CDK17: variants seen among roughly 807,000 people sequenced by gnomAD.
CDK17 encodes cyclin dependent kinase 17.
A neutral mutation model predicts 77.6 loss-of-function variants in CDK17; 24 were observed. The observed-to-expected ratio is 0.31, with a 90% confidence interval of 0.22 to 0.44. The LOEUF (loss-of-function observed/expected upper bound fraction) is 0.44, where lower values mean the gene tolerates loss of function less well. CDK17 is among the 20% of genes least tolerant of loss of function. The probability of loss-of-function intolerance (pLI) is 1.00; values close to 1 mark genes in which losing one functional copy is unlikely to be tolerated. For missense variants in CDK17, 429 were observed against 622.5 expected (o/e 0.69, Z 3.31); for synonymous variants, 203 against 210.4 (o/e 0.96, Z 0.30).
intron 3 of CDK17, among the ~76,000 whole-genome samples, chr12:96,323,226 A>AG (rs1952845182): frequency 6.6e-6 from 1 of 151,102 alleles, no homozygotes; most frequent in African/African-American, 2.4e-5. Context: ...TGAGTCCAGG[A>AG]GTTCAAGACC....
intron 1 of CDK17, among the ~76,000 whole-genome samples, chr12:96,351,238 T>C (rs12426413): frequency 1.1e-4 from 17 of 152,036 alleles, no homozygotes; most frequent in Admixed American, 1.1e-3. Context: ...GGTGTAGCCA[T>C]TGTGAAAAAC....
chr12:96,380,536 G>C (rs377235763), intron 1 of CDK17, among the ~76,000 whole-genome samples: 23 of 152,026 alleles, frequency 1.5e-4, no homozygotes, highest in African/African-American at 2.2e-4. Context: ...TGATCCACCC[G>C]CCTCAGCCTC....
At chr12:96,389,492 G>A (rs1954033337) in intron 1 of CDK17, among the ~76,000 whole-genome samples, 1 of 152,116 alleles carries the variant, frequency 6.6e-6, no homozygotes, top group Non-Finnish European at 1.5e-5. Context: ...AATGGAAATG[G>A]AAATGATATC....
Position 96,355,929 on chromosome 12 carries a change from A to C in CDK17, c.-29-21064T>G, listed in dbSNP as rs577108957. Among the ~76,000 whole-genome samples the C allele has an allele frequency of 1.2e-3, 190 of 152,270 alleles. 1 individual carries two copies. The highest frequency in any genetic ancestry group is 1.3e-3 in the Non-Finnish European group (87 of 68,008). ...AGGCTCTGTCTCCCTGATTGAAGTC[A>C]ATCTATTAACTGGCAAAGTTTCTGA... On this transcript the variant is annotated intron_variant, in intron 1 of 16. Coordinates refer to ENST00000261211, the MANE Select transcript of CDK17 (RefSeq NM_002595.5).
intron 1 of CDK17, among the ~76,000 whole-genome samples, chr12:96,347,402 A>C (rs998036844): frequency 2.0e-5 from 3 of 151,536 alleles, no homozygotes; most frequent in Admixed American, 1.3e-4. Flanking sequence ...CGTCTTTACT[A>C]AAAATACAAA....
At chr12:96,282,197 A>C (rs1275815841) in intron 15 of CDK17, 2 of 235,122 alleles carry the variant, frequency 8.5e-6, no homozygotes, top group African/African-American at 4.5e-5. Flanking sequence ...CGCTAAATCG[A>C]AGCTAGATTG....
chr12:96,286,759 C>G lies in CDK17; in HGVS notation c.1121G>C (p.Gly374Ala). The G allele has an allele frequency of 6.2e-7, 1 of 1,604,460 alleles. No homozygotes were observed. Among genetic ancestry groups the G allele is most frequent in the Non-Finnish European group, 8.5e-7 (1 of 1,172,128 alleles). ...SEYSTQIDMW[G>A]VGCIFFEMAS... ...CATTTCAAAGAAAATGCAACCAACA[C>G]CCCTTTAAAATAGATCATGAAAATA... The change falls in exon 12 of 17, where the codon GGT becomes GCT. Residue 374 changes from glycine to alanine, a missense_variant and splice_region_variant. Gly to Ala is a moderately conservative substitution (Grantham distance 60). Transcript: ENST00000261211.
intron 5 of CDK17, among the ~76,000 whole-genome samples, chr12:96,308,354 T>C (rs1461139435): frequency 6.6e-6 from 1 of 151,742 alleles, no homozygotes; most frequent in African/African-American, 2.4e-5. Context: ...AAGATTACAG[T>C]GAGCTATGAT....
intron 10 of CDK17, among the ~76,000 whole-genome samples, chr12:96,292,895 TAC>T (rs1952345223): frequency 6.6e-6 from 1 of 152,000 alleles, no homozygotes; most frequent in East Asian, 1.9e-4. Flanking sequence ...ATATAATAAA[TAC>T]AGAGTAATGG....
chr12:96,335,890 C>G (rs1565824912), intron 1 of CDK17, among the ~76,000 whole-genome samples: 1 of 152,142 alleles, frequency 6.6e-6, no homozygotes, highest in Non-Finnish European at 1.5e-5. Flanking sequence ...CACACTATAA[C>G]CATTATCCCA....
intron 3 of CDK17, among the ~76,000 whole-genome samples, chr12:96,319,305 C>T (rs1952780983): frequency 1.5e-5 from 2 of 137,534 alleles, no homozygotes; most frequent in African/African-American, 5.5e-5. Context: ...TGGCAATAAT[C>T]AATAGTTTAC....
chr12:96,342,831 TGC>T (rs1272323192), intron 1 of CDK17, among the ~76,000 whole-genome samples: 1 of 150,762 alleles, frequency 6.6e-6, no homozygotes, highest in East Asian at 2.0e-4. Flanking sequence ...GGTGTGGTGG[TGC>T]ATGCTGTAAT....
chr12:96,367,136 A>C (rs11108481), intron 1 of CDK17, among the ~76,000 whole-genome samples: 12,836 of 151,726 alleles, frequency 0.085, 748 homozygotes, highest in South Asian at 0.21. Flanking sequence ...TGAGGTGAGG[A>C]GTTCAAGACC....
chr12:96,348,715 G>C (rs1004622456), intron 1 of CDK17, among the ~76,000 whole-genome samples: 1 of 152,024 alleles, frequency 6.6e-6, no homozygotes, highest in African/African-American at 2.4e-5. Flanking sequence ...AAATTGGATA[G>C]CTTAATGAAA....
At chr12:96,295,315 A>G (rs1952388398) in intron 9 of CDK17, 193 bp from the exon 10 acceptor site, 1 of 389,322 alleles carries the variant, frequency 2.6e-6, no homozygotes, top group Non-Finnish European at 4.5e-6. Flanking sequence ...TTATTATTCT[A>G]TTTGAAGCAT....
At chr12:96,316,092 T>G (rs1187268332) in intron 3 of CDK17, among the ~76,000 whole-genome samples, 3 of 152,118 alleles carry the variant, frequency 2.0e-5, no homozygotes, top group Admixed American at 1.3e-4. Flanking sequence ...CAGGCCAGTG[T>G]GTGTGCGCAC....
intron 3 of CDK17, 60 bp downstream of exon 3, chr12:96,323,883 AAACTT>A: frequency 8.1e-7 from 1 of 1,236,530 alleles, no homozygotes; most frequent in Non-Finnish European, 1.1e-6. Context: ...TGCTTAATTA[AAACTT>A]AACTATGTGC....
At chr12:96,297,765 T>C in intron 7 of CDK17, 44 bp from the exon 8 acceptor site, 1 of 1,054,654 alleles carries the variant, frequency 9.5e-7, no homozygotes, top group Non-Finnish European at 1.4e-6. Context: ...TGGCAGTCTT[T>C]ATAAAAACCT....
At chr12:96,350,902 GAAAC>G (rs375523575) in intron 1 of CDK17, among the ~76,000 whole-genome samples, 96 of 152,106 alleles carry the variant, frequency 6.3e-4, no homozygotes, top group African/African-American at 2.3e-3. Flanking sequence ...TAAAGAGAGT[GAAAC>G]AACCCACAGA....
Sources: allele counts gnomAD v4.1 joint callset (sites outside exome capture counted in the v4.1 genomes callset), GRCh38; gene constraint gnomAD v4.1.1; transcripts MANE v1.5; gene names NCBI Gene and HGNC (gene_info 2026-07-23, HGNC 2026-07-21).